The following PDE4B variants were observed in gnomAD, a reference collection of about 807,000 sequenced individuals.
The protein encoded by PDE4B is 3',5'-cyclic-AMP phosphodiesterase 4B.
PDE4B carries 20 observed loss-of-function variants against 82.2 expected under a neutral mutation model. That is an observed-to-expected ratio of 0.24 (90% CI 0.17 to 0.35). The LOEUF (loss-of-function observed/expected upper bound fraction) is 0.35. Among genes scored for constraint, PDE4B ranks in the 10% least tolerant of loss-of-function variants. The pLI is 1.00. For missense variants in PDE4B, 655 were observed against 907.2 expected (o/e 0.72, Z 3.57); for synonymous variants, 320 against 318.9 (o/e 1.00, Z -0.04).
chr1:65,925,489 G>T (rs1386558663), intron 3 of PDE4B, among the ~76,000 whole-genome samples: 2 of 152,042 alleles, frequency 1.3e-5, no homozygotes, highest in Admixed American at 1.3e-4. Context: ...AACTTTACTA[G>T]TGTCTCAGAA....
At chr1:66,216,526 T>C (rs957008423) in intron 3 of PDE4B, among the ~76,000 whole-genome samples, 2 of 152,154 alleles carry the variant, frequency 1.3e-5, no homozygotes, top group African/African-American at 4.8e-5. Context: ...TGTGGACTCA[T>C]TTTCAGTAGA....
At chr1:66,032,881 T>C (rs575594199) in intron 3 of PDE4B, among the ~76,000 whole-genome samples, 20 of 151,728 alleles carry the variant, frequency 1.3e-4, no homozygotes, top group African/African-American at 4.6e-4. Context: ...GTCTCGATCT[T>C]CTGACCTTGT....
Position 65,872,741 on chromosome 1 carries a change from G to A in PDE4B, c.-70-40504G>A, listed in dbSNP as rs984802689. On this transcript the variant is annotated intron_variant, in intron 1 of 16. Transcript: ENST00000341517. ...TGGTGCAAACTACTGTACACTAAGC[G>A]TTGTGGTGGGATATAAAAAAGGTAT... Among the ~76,000 whole-genome samples, 7 of 152,152 alleles carry A rather than the reference G, an allele frequency of 4.6e-5. No individual in the cohort carries two copies. In the South Asian group the frequency reaches 8.3e-4, roughly 18 times the overall value.
intron 7 of PDE4B, among the ~76,000 whole-genome samples, chr1:66,304,488 A>C (rs1210196026): frequency 1.3e-5 from 2 of 152,086 alleles, no homozygotes; most frequent in Non-Finnish European, 2.9e-5. Context: ...CTCTGCTCTG[A>C]TCTGAACAGT....
chr1:66,079,404 A>G (rs1656609575), intron 3 of PDE4B, among the ~76,000 whole-genome samples: 1 of 152,116 alleles, frequency 6.6e-6, no homozygotes, highest in African/African-American at 2.4e-5. Flanking sequence ...CATTTTGTAT[A>G]TCTGGCAGCC....
At chr1:66,222,066 C>G (rs1191223628) in intron 3 of PDE4B, among the ~76,000 whole-genome samples, 1 of 152,166 alleles carries the variant, frequency 6.6e-6, no homozygotes, top group African/African-American at 2.4e-5. Context: ...CCTCCTCTGT[C>G]TTTTTGTTCT....
chr1:66,113,201 A>G (rs1232525653), intron 3 of PDE4B, among the ~76,000 whole-genome samples: 1 of 152,224 alleles, frequency 6.6e-6, no homozygotes, highest in Non-Finnish European at 1.5e-5. Context: ...GGGCTGCTCC[A>G]GATGTCCTGT....
intron 4 of PDE4B, among the ~76,000 whole-genome samples, chr1:66,249,171 G>A (rs1190517356): frequency 1.3e-5 from 2 of 152,150 alleles, no homozygotes; most frequent in Non-Finnish European, 2.9e-5. Flanking sequence ...AGAACCCAAG[G>A]CATTTCTGAC....
chr1:66,134,369 G>A (rs1045042612), intron 3 of PDE4B, among the ~76,000 whole-genome samples: 2 of 152,138 alleles, frequency 1.3e-5, no homozygotes, highest in Admixed American at 1.3e-4. Context: ...AAGGTACCAC[G>A]GCCTTTTACC....
At chr1:65,906,149 T>C (rs1647025838) in intron 1 of PDE4B, among the ~76,000 whole-genome samples, 1 of 152,188 alleles carries the variant, frequency 6.6e-6, no homozygotes, top group African/African-American at 2.4e-5. Context: ...AGGGTAGCAT[T>C]AGAAGATCTA....
At chr1:66,177,502 C>G (rs1646955791) in intron 3 of PDE4B, among the ~76,000 whole-genome samples, 1 of 152,170 alleles carries the variant, frequency 6.6e-6, no homozygotes, top group African/African-American at 2.4e-5. Context: ...TGGTCTTTGA[C>G]CCTCTTACCT....
At chr1:66,187,594 C>T (rs1184035278) in intron 3 of PDE4B, among the ~76,000 whole-genome samples, 1 of 152,234 alleles carries the variant, frequency 6.6e-6, no homozygotes, top group African/African-American at 2.4e-5. Flanking sequence ...TTATCCATTT[C>T]TTCTAGATTT....
At chr1:66,234,577 C>T (rs1458189884) in intron 3 of PDE4B, among the ~76,000 whole-genome samples, 1 of 152,188 alleles carries the variant, frequency 6.6e-6, no homozygotes, top group Non-Finnish European at 1.5e-5. Context: ...GCATGAGCCA[C>T]CGTGCCCAGC....
chr1:66,059,396 G>GC (rs1280826892), intron 3 of PDE4B, among the ~76,000 whole-genome samples: 1 of 152,116 alleles, frequency 6.6e-6, no homozygotes, highest in Non-Finnish European at 1.5e-5. Context: ...CTTTTCAGCA[G>GC]CCCCCCACTC....
intron 3 of PDE4B, among the ~76,000 whole-genome samples, chr1:65,982,218 G>A (rs138542959): frequency 2.0e-5 from 3 of 152,276 alleles, no homozygotes; most frequent in African/African-American, 7.2e-5. Context: ...TTATAAAATA[G>A]AAAAGAACGT....
intron 7 of PDE4B, among the ~76,000 whole-genome samples, chr1:66,295,071 A>C (rs1006374146): frequency 6.6e-6 from 1 of 152,088 alleles, no homozygotes; most frequent in Non-Finnish European, 1.5e-5. Context: ...TGATCATTGG[A>C]GTTTATGTGT....
At chr1:66,199,461 T>C (rs942409037) in intron 3 of PDE4B, among the ~76,000 whole-genome samples, 1 of 151,948 alleles carries the variant, frequency 6.6e-6, no homozygotes. Context: ...GTTTTGTTTG[T>C]TTGTTTGTTT....
At chr1:65,991,834 C>T (rs1651261299) in intron 3 of PDE4B, among the ~76,000 whole-genome samples, 1 of 152,178 alleles carries the variant, frequency 6.6e-6, no homozygotes, top group Admixed American at 6.5e-5. Context: ...TATCTGCACA[C>T]ACACAAACAC....
chr1:66,199,306 A>G (rs1487822465), intron 3 of PDE4B, among the ~76,000 whole-genome samples: 1 of 151,850 alleles, frequency 6.6e-6, no homozygotes, highest in Admixed American at 6.6e-5. Context: ...CGCCATTCTA[A>G]CTGGTGTGAG....
Sources: gnomAD v4.1 joint callset for allele counts (sites outside exome capture counted in the v4.1 genomes callset) on GRCh38, gnomAD v4.1.1 for gene constraint, MANE v1.5 for transcripts, NCBI Gene and HGNC (gene_info 2026-07-23, HGNC 2026-07-21) for gene names.